Variants in OSER1 observed in about 807,000 individuals in gnomAD.
OSER1 encodes oxidative stress-responsive serine-rich protein 1.
Under a neutral mutation model 26.3 loss-of-function variants are expected in OSER1, and 15 were observed. The ratio of observed to expected loss-of-function variants is 0.57; its 90% CI spans 0.38 to 0.88. OSER1 has a LOEUF of 0.88. Ranked by LOEUF, OSER1 falls within the 40% of genes least tolerant of loss-of-function variation. The pLI is 0.00. For synonymous variants in OSER1, 127 were observed against 128.2 expected, an observed-to-expected ratio of 0.99 and a Z score of 0.07; for missense variants, 313 against 353.9, an observed-to-expected ratio of 0.88 and a Z score of 0.93.
chr20:44,202,925 A>G, intron 3 of OSER1, 36 bp downstream of exon 3: 1 of 1,177,500 alleles, frequency 8.5e-7, no homozygotes, highest in Non-Finnish European at 1.3e-6. Context: ...CTATTATAAT[A>G]TTGGAATAAA....
Position 44,208,151 on chromosome 20 carries a change from C to G in OSER1, c.-41-1153G>C, listed in dbSNP as rs947392613. On this transcript the variant is annotated intron_variant, in intron 1 of 3. Transcript: ENST00000255174. ...CCCTCTTGGGCATTCTCAGAGGGAG[C>G]AGTGCCTCTCCAACGGCCCTTGGGT... Among the ~76,000 whole-genome samples the G allele has an allele frequency of 6.4e-5, 8 of 124,304 alleles. No individual in the cohort carries two copies. In the Admixed American group the frequency reaches 7.5e-4, roughly 12 times the overall value. The allele number at this position is 124,304 out of a possible 152,430, so 81.5% of individuals were successfully genotyped here. A position where few individuals can be genotyped will look rare whatever the true frequency, so the allele number is the denominator to read the frequency against.
At position 44,197,767 on chromosome 20, in the gene OSER1, G is replaced by A. The variant is rs2072937256; in HGVS notation, c.192-28C>T. 9 of 1,474,048 alleles carry A rather than the reference G, an allele frequency of 6.1e-6. 1 individual carries two copies. In the South Asian group the frequency reaches 9.4e-5, roughly 15 times the overall value. 91.3% of individuals were successfully genotyped at this position (1,474,048 alleles called of 1,614,324 possible). A position where few individuals can be genotyped will look rare whatever the true frequency, so the allele number is the denominator to read the frequency against. On this transcript the variant is annotated intron_variant, in intron 3 of 3. Coordinates refer to ENST00000255174, the MANE Select transcript of OSER1 (RefSeq NM_016470.8). ...AAAGAGGAAAAAAAATATACAAGAAGATGTTGGGATATGGAGCTGTCCTAA... is the reference window on the plus strand; with the variant it reads ...AAAGAGGAAAAAAAATATACAAGAAAATGTTGGGATATGGAGCTGTCCTAA...
chr20:44,197,874 C>T (rs2145919041), intron 3 of OSER1, 135 bp from the exon 4 acceptor site: 1 of 609,554 alleles, frequency 1.6e-6, no homozygotes, highest in Middle Eastern at 4.4e-4. Context: ...AAGAGATGCA[C>T]CTTCCTCCAT....
chr20:44,206,199 G>A (rs2145936558), intron 2 of OSER1, among the ~76,000 whole-genome samples: 1 of 152,324 alleles, frequency 6.6e-6, no homozygotes, highest in East Asian at 1.9e-4. Context: ...ATTATTACTT[G>A]TGGGTGTTCT....
Position 44,197,587 on chromosome 20 carries a change from G to C in OSER1, c.344C>G (p.Pro115Arg), listed in dbSNP as rs1189938666. 17 of 1,614,200 alleles carry C rather than the reference G, an allele frequency of 1.1e-5. No homozygotes were observed. Among genetic ancestry groups the C allele is most frequent in the Non-Finnish European group, 1.4e-5 (17 of 1,180,036 alleles). ...AATTCCCAGCCCACTGCTGCCATCA[G>C]GTGAGTCAGTCTGGCTTTTGTGCTT... ...QLKHKSQTDS[P>R]DGSSGLGISS... Residue 115 changes from proline (P) to arginine (R), a missense_variant, in exon 4 of 4, where the codon CCT becomes CGT. Pro to Arg is a moderately radical substitution (Grantham distance 103). This residue lies in a region of OSER1 where 300 missense variants were observed against 318.3 expected (regional missense o/e 0.94). Transcript: ENST00000255174.
chr20:44,209,076 T>C (rs1412930202), intron 1 of OSER1, among the ~76,000 whole-genome samples: 1 of 152,220 alleles, frequency 6.6e-6, no homozygotes, highest in Non-Finnish European at 1.5e-5. Flanking sequence ...GCTTACAATG[T>C]AACACTGTGC....
chr20:44,204,735 A>C (rs1400217551), intron 2 of OSER1, among the ~76,000 whole-genome samples: 4 of 152,194 alleles, frequency 2.6e-5, no homozygotes, highest in African/African-American at 9.7e-5. Flanking sequence ...AAGTGAGAAC[A>C]TGCAGCATGT....
intron 3 of OSER1, among the ~76,000 whole-genome samples, 158 bp from the exon 4 acceptor site, chr20:44,197,897 T>C (rs1336137478): frequency 6.6e-6 from 1 of 152,216 alleles, no homozygotes; most frequent in African/African-American, 2.4e-5. Context: ...TCATGCTGCC[T>C]AAGTCTTTGT....
intron 2 of OSER1, among the ~76,000 whole-genome samples, chr20:44,205,939 CA>C (rs3037684): frequency 0.16 from 11,393 of 72,200 alleles, 548 homozygotes; most frequent in East Asian, 0.36. Context: ...GAATCCGTCT[CA>C]AAAAAAAAAA....
At chr20:44,205,667 G>C (rs1008652536) in intron 2 of OSER1, among the ~76,000 whole-genome samples, 1 of 151,810 alleles carries the variant, frequency 6.6e-6, no homozygotes, top group Non-Finnish European at 1.5e-5. Context: ...TGGGCCAGAC[G>C]CAGTGGCTCT....
Position 44,202,942 on chromosome 20 carries a change from C to A in OSER1, c.191+19G>T. The stretch of plus-strand genomic sequence containing the variant: ...ATTATAATATTGGAATAAAAATCAT[C>A]TCAATAAGAAGCTCTTACCCGTGCC... On this transcript the variant is annotated intron_variant, in intron 3 of 3. Transcript: ENST00000255174. 7.6e-7 allele frequency: 1 copy of A among 1,324,134 alleles called. No individual in the cohort carries two copies. The highest frequency in any genetic ancestry group is 1.1e-6 in the Non-Finnish European group (1 of 918,752). 82.0% of individuals were successfully genotyped at this position (1,324,134 alleles called of 1,614,324 possible). A position where few individuals can be genotyped will look rare whatever the true frequency, so the allele number is the denominator to read the frequency against.
Position 44,196,375 on chromosome 20 carries a change from C to G in OSER1, c.*677G>C, listed in dbSNP as rs2072919786. Reference sequence around the variant, plus strand: ...CACACTCGTTTCAAATATTACACCCCCTCCCTCCAACTGAAGCAGCCCATT... The same window carrying G: ...CACACTCGTTTCAAATATTACACCCGCTCCCTCCAACTGAAGCAGCCCATT... On this transcript the variant is annotated 3_prime_UTR_variant, in exon 4 of 4. Transcript: ENST00000255174. 1 of 152,066 alleles carries G rather than the reference C, an allele frequency of 6.6e-6. No homozygotes were observed. The highest frequency in any genetic ancestry group is 1.5e-5 in the Non-Finnish European group (1 of 68,026). The allele number at this position is 152,066 out of a possible 1,614,324, so 9.4% of individuals were successfully genotyped here.
chr20:44,197,441 C>T lies in OSER1; in HGVS notation c.490G>A (p.Glu164Lys), dbSNP rs1339940004. 6.2e-7 allele frequency: 1 copy of T among 1,614,178 alleles called. No homozygotes were observed. Among genetic ancestry groups the T allele is most frequent in the Non-Finnish European group, 8.5e-7 (1 of 1,180,000 alleles). ...VPRLPSESKK[E>K]DSSDATQVPQ... ...ACTTGGGTAGCGTCAGAGGAGTCTTCCTTCTTACTCTCTGATGGGAGCCTT... is the reference window on the plus strand; with the variant it reads ...ACTTGGGTAGCGTCAGAGGAGTCTTTCTTCTTACTCTCTGATGGGAGCCTT... Residue 164 changes from glutamate to lysine, a missense_variant, in exon 4 of 4, where the codon GAA (glutamate) becomes AAA (lysine). Transcript: ENST00000255174.
intron 1 of OSER1, chr20:44,209,999 A>G (rs1203381640): frequency 6.6e-6 from 1 of 152,392 alleles, no homozygotes; most frequent in Admixed American, 6.5e-5. Flanking sequence ...CAGGACAAAA[A>G]GCACATTCAC....
chr20:44,198,359 C>T (rs1442219124), intron 3 of OSER1, among the ~76,000 whole-genome samples: 2 of 152,182 alleles, frequency 1.3e-5, no homozygotes, highest in Non-Finnish European at 1.5e-5. Context: ...GTGGCTCACG[C>T]CTGTAATCCC....
In OSER1 at chr20:44,196,123, A is replaced by T. The variant is rs1433059654; in HGVS notation, c.*929T>A. ...TCATCATCCAGCTGAAACCGAAGAC[A>T]GATTTTTTTTTTACCAAACTGGAGG... On this transcript the variant is annotated 3_prime_UTR_variant, in exon 4 of 4. Coordinates refer to ENST00000255174, the MANE Select transcript of OSER1 (RefSeq NM_016470.8). Among the ~76,000 whole-genome samples the T allele has an allele frequency of 6.6e-6, 1 of 152,124 alleles. No homozygotes were observed. The highest frequency in any genetic ancestry group is 1.5e-5 in the Non-Finnish European group (1 of 68,030).
Position 44,197,466 on chromosome 20 carries a change from T to G in OSER1, c.465A>C (p.Pro155=). 1.2e-6 allele frequency: 2 copies of G among 1,614,206 alleles called. No homozygotes were observed. Among genetic ancestry groups the G allele is most frequent in the Non-Finnish European group, 1.7e-6 (2 of 1,180,016 alleles). The change falls in exon 4 of 4, where the codon CCA becomes CCC. Residue 155 remains proline (P), a synonymous_variant. Transcript: ENST00000255174. ...CCTTCTTACTCTCTGATGGGAGCCTTGGAACAGAAGTTCTCAAAGGCTCAA... is the reference window on the plus strand; with the variant it reads ...CCTTCTTACTCTCTGATGGGAGCCTGGGAACAGAAGTTCTCAAAGGCTCAA... ...AVVEPLRTSV[P]RLPSESKKED... is the part of the protein sequence containing the mutation.
intron 3 of OSER1, 35 bp from the exon 4 acceptor site, chr20:44,197,774 G>C: frequency 7.0e-7 from 1 of 1,420,430 alleles, no homozygotes; most frequent in Non-Finnish European, 9.8e-7. Flanking sequence ...GAAGATGTTG[G>C]GATATGGAGC....
chr20:44,210,087 G>A (rs1005290948), intron 1 of OSER1: 6 of 152,382 alleles, frequency 3.9e-5, no homozygotes, highest in African/African-American at 1.4e-4. Flanking sequence ...TTTTCACCCA[G>A]AGTCTGTGCC....
Sources: gnomAD v4.1 joint callset for allele counts (sites outside exome capture counted in the v4.1 genomes callset) on GRCh38, gnomAD v4.1.1 for gene constraint, gnomAD v4.1.1 regional missense constraint, MANE v1.5 for transcripts, NCBI Gene and HGNC (gene_info 2026-07-23, HGNC 2026-07-21) for gene names.